ROBO1: variants seen among roughly 807,000 people sequenced by gnomAD.
The protein encoded by ROBO1 is roundabout homolog 1.
A neutral mutation model predicts 195.9 loss-of-function variants in ROBO1; 149 were observed. The observed-to-expected ratio is 0.76, with a 90% CI of 0.67 to 0.87. The LOEUF (loss-of-function observed/expected upper bound fraction) is 0.87. ROBO1 is among the 40% of genes least tolerant of loss of function. The pLI is 0.00. For synonymous variants in ROBO1, 816 were observed against 733.2 expected, an observed-to-expected ratio of 1.11 and a Z score of -1.82; for missense variants, 1,933 against 2,068.3, an observed-to-expected ratio of 0.93 and a Z score of 1.27.
In ROBO1 at chr3:79,598,966, G is replaced by A. The variant is rs571672460; in HGVS notation, c.-50-9005C>T. On this transcript the variant is annotated intron_variant, in intron 1 of 30. Coordinates refer to ENST00000464233, the MANE Select transcript of ROBO1 (RefSeq NM_002941.4). Reference sequence around the variant, plus strand: ...CACAACCAGCATTCGAGAAAGCCAGGACTAAACCTATTTACAACCAAGGAC... The same window carrying A: ...CACAACCAGCATTCGAGAAAGCCAGAACTAAACCTATTTACAACCAAGGAC... 1.6e-4 allele frequency among the ~76,000 whole-genome samples: 24 copies of A among 152,064 alleles called. No individual in the cohort carries two copies. The South Asian group carries it at 4.6e-3, about 29-fold the overall frequency.
chr3:79,424,636 T>G (rs185285707), intron 2 of ROBO1, among the ~76,000 whole-genome samples: 2 of 152,178 alleles, frequency 1.3e-5, no homozygotes, highest in East Asian at 3.9e-4. Flanking sequence ...TACTTTTTCA[T>G]GAAGATGGAC....
chr3:79,241,215 C>G (rs1219024717), intron 2 of ROBO1, among the ~76,000 whole-genome samples: 2 of 152,102 alleles, frequency 1.3e-5, no homozygotes, highest in Admixed American at 6.5e-5. Flanking sequence ...GACTATGCTA[C>G]AAAGTCTCTA....
At chr3:79,712,829 G>A (rs1272790749) in intron 1 of ROBO1, among the ~76,000 whole-genome samples, 1 of 152,058 alleles carries the variant, frequency 6.6e-6, no homozygotes, top group Non-Finnish European at 1.5e-5. Context: ...AAAAATCCTA[G>A]TGCCCTTAAG....
chr3:79,011,659 TTA>T (rs944788721), intron 3 of ROBO1, among the ~76,000 whole-genome samples: 3 of 147,944 alleles, frequency 2.0e-5, no homozygotes, highest in Non-Finnish European at 4.5e-5. Context: ...TCATAATGTT[TTA>T]TATATATTTA....
intron 2 of ROBO1, among the ~76,000 whole-genome samples, chr3:79,299,599 T>C (rs2032784655): frequency 1.3e-5 from 2 of 152,180 alleles, no homozygotes; most frequent in African/African-American, 4.8e-5. Context: ...ATATAAAGTG[T>C]TTGCCAATAA....
chr3:79,081,046 A>G (rs1033170162), intron 3 of ROBO1, among the ~76,000 whole-genome samples: 1 of 152,030 alleles, frequency 6.6e-6, no homozygotes, highest in Non-Finnish European at 1.5e-5. Flanking sequence ...ATAGAAGAAA[A>G]TTTCCATAGA....
intron 1 of ROBO1, among the ~76,000 whole-genome samples, chr3:79,673,837 CG>C (rs1946703398): frequency 6.6e-6 from 1 of 151,900 alleles, no homozygotes; most frequent in Admixed American, 6.6e-5. Context: ...CTCTTCCACT[CG>C]CTGCAGTCTA....
intron 10 of ROBO1, among the ~76,000 whole-genome samples, chr3:78,671,743 T>C (rs1383099647): frequency 6.6e-6 from 1 of 152,134 alleles, no homozygotes; most frequent in Admixed American, 6.6e-5. Flanking sequence ...AGGCTAGAGT[T>C]TGAAACTTGG....
chr3:78,863,096 T>G (rs935280568), intron 4 of ROBO1, among the ~76,000 whole-genome samples: 2 of 152,202 alleles, frequency 1.3e-5, no homozygotes, highest in African/African-American at 4.8e-5. Context: ...ATTGAGTACT[T>G]ACTCTGAACC....
At chr3:79,644,149 G>A (rs866615738) in intron 1 of ROBO1, among the ~76,000 whole-genome samples, 52 of 152,182 alleles carry the variant, frequency 3.4e-4, no homozygotes, top group African/African-American at 1.2e-3. Flanking sequence ...AATTCAGTAA[G>A]AGGAAATAAG....
chr3:78,627,428 G>T lies in ROBO1; in HGVS notation c.3768C>A (p.Ser1256Arg), dbSNP rs1559664250. Reference sequence around the variant, plus strand: ...GAGTCAGAGTGGCAGTGGACTGATGGCTATAGGACACGGCAGCTGGAGAAG... The same window carrying T: ...GAGTCAGAGTGGCAGTGGACTGATGTCTATAGGACACGGCAGCTGGAGAAG... ...AASSPAAVSY[S>R]HQSTATLTPS... Residue 1256 changes from serine (S) to arginine (R), a missense_variant, in exon 26 of 31, where the codon AGC (serine) becomes AGA (arginine). By Grantham distance (110) the Ser-to-Arg change is moderately radical. Transcript: ENST00000464233. The T allele has an allele frequency of 6.8e-6, 11 of 1,613,050 alleles. No homozygotes were observed. The highest frequency in any genetic ancestry group is 2.2e-5 in the East Asian group (1 of 44,742).
chr3:78,685,309 C>T (rs113735817), intron 10 of ROBO1, among the ~76,000 whole-genome samples: 1 of 152,102 alleles, frequency 6.6e-6, no homozygotes, highest in Admixed American at 6.6e-5. Flanking sequence ...GGGGAGTTGA[C>T]AGAATGAAAT....
At chr3:79,130,055 C>G (rs563582755) in intron 2 of ROBO1, among the ~76,000 whole-genome samples, 3 of 58,060 alleles carry the variant, frequency 5.2e-5, no homozygotes, top group African/African-American at 7.0e-5. Context: ...TGTTTTGGTA[C>G]CAGTACCATG....
At chr3:79,350,933 G>A (rs879760954) in intron 2 of ROBO1, among the ~76,000 whole-genome samples, 13 of 151,944 alleles carry the variant, frequency 8.6e-5, no homozygotes, top group Non-Finnish European at 1.8e-4. Flanking sequence ...GGCCTCAATT[G>A]ATCCTCCCAT....
chr3:78,924,387 A>C (rs9813971), intron 4 of ROBO1, among the ~76,000 whole-genome samples: 5,938 of 152,234 alleles, frequency 0.039, 345 homozygotes, highest in African/African-American at 0.13. Context: ...GCTAATTATC[A>C]CAGTCATTGT....
chr3:78,898,379 G>A (rs1413818859), intron 4 of ROBO1, among the ~76,000 whole-genome samples: 1 of 144,472 alleles, frequency 6.9e-6, no homozygotes, highest in Non-Finnish European at 1.5e-5. Context: ...AGATAGATAG[G>A]GTTTTTTTTT....
At chr3:79,658,729 T>C (rs988390825) in intron 1 of ROBO1, among the ~76,000 whole-genome samples, 2 of 151,986 alleles carry the variant, frequency 1.3e-5, no homozygotes, top group Admixed American at 1.3e-4. Context: ...TTTCTTTGTA[T>C]TGGGGACATT....
intron 2 of ROBO1, among the ~76,000 whole-genome samples, chr3:79,559,907 ACT>A (rs1291940761): frequency 1.3e-5 from 2 of 151,990 alleles, no homozygotes; most frequent in Non-Finnish European, 2.9e-5. Context: ...AGAGAGTGAG[ACT>A]CTATCTTAAA....
chr3:78,932,259 G>A (rs2039574141), intron 4 of ROBO1, among the ~76,000 whole-genome samples: 1 of 152,132 alleles, frequency 6.6e-6, no homozygotes, highest in Non-Finnish European at 1.5e-5. Flanking sequence ...GTTGATACAA[G>A]GAGACACTGC....
Sources: allele counts gnomAD v4.1 joint callset (sites outside exome capture counted in the v4.1 genomes callset), GRCh38; gene constraint gnomAD v4.1.1; transcripts MANE v1.5; gene names NCBI Gene and HGNC (gene_info 2026-07-23, HGNC 2026-07-21).